Variants in SEMA5A observed in about 807,000 individuals in gnomAD.
SEMA5A encodes the protein semaphorin-5A.
A neutral mutation model predicts 135.5 loss-of-function variants in SEMA5A; 55 were observed. The ratio of observed to expected loss-of-function variants is 0.41; its 90% confidence interval spans 0.33 to 0.51. The LOEUF (loss-of-function observed/expected upper bound fraction) is 0.51, where lower values mean the gene tolerates loss of function less well. Ranked by LOEUF, SEMA5A falls within the 20% of genes least tolerant of loss-of-function variation. SEMA5A has a pLI of 0.37. For missense variants in SEMA5A, 1,290 were observed against 1,419.9 expected (o/e 0.91, Z 1.47); for synonymous variants, 580 against 546.5 (o/e 1.06, Z -0.85).
chr5:9,139,338 A>T (rs990245124), intron 12 of SEMA5A, among the ~76,000 whole-genome samples: 2 of 152,194 alleles, frequency 1.3e-5, no homozygotes, highest in African/African-American at 4.8e-5. Context: ...GCATTATTAA[A>T]TTTGGACCAA....
chr5:9,097,887 G>A (rs1045736072), intron 16 of SEMA5A, among the ~76,000 whole-genome samples: 1 of 152,202 alleles, frequency 6.6e-6, no homozygotes, highest in Non-Finnish European at 1.5e-5. Context: ...GGAGTACTTG[G>A]CTGTTGGTAA....
chr5:9,066,462 C>T lies in SEMA5A; in HGVS notation c.2258G>A (p.Arg753Gln), dbSNP rs758026222. 19 of 1,614,208 alleles carry T rather than the reference C, an allele frequency of 1.2e-5. No individual in the cohort carries two copies. The South Asian group carries it at 1.8e-4, about 15-fold the overall frequency. ...LEVGRQRIEMRYCSSDGTSGC... is the reference protein window; with the variant it reads ...LEVGRQRIEMQYCSSDGTSGC... Reference sequence around the variant, plus strand: ...ACTGGTGCCGTCGCTAGAACAGTACCGCATTTCGATTCTCTGTCTTCCCAC... The same window carrying T: ...ACTGGTGCCGTCGCTAGAACAGTACTGCATTTCGATTCTCTGTCTTCCCAC... Residue 753 changes from arginine (R) to glutamine (Q), a missense_variant, in exon 17 of 23, where the codon CGG (arginine) becomes CAG (glutamine). Physicochemically the swap from Arg to Gln is conservative, Grantham distance 43. Transcript: ENST00000382496.
At chr5:9,391,657 C>T (rs1488836454) in intron 2 of SEMA5A, among the ~76,000 whole-genome samples, 1 of 152,188 alleles carries the variant, frequency 6.6e-6, no homozygotes, top group Non-Finnish European at 1.5e-5. Context: ...CCTTCTCTCC[C>T]ATCTGCTACT....
chr5:9,477,717 C>T (rs1253071160), intron 1 of SEMA5A, among the ~76,000 whole-genome samples: 1 of 152,136 alleles, frequency 6.6e-6, no homozygotes, highest in South Asian at 2.1e-4. Flanking sequence ...GTGCTCCTAA[C>T]AGCATATAGT....
intron 3 of SEMA5A, among the ~76,000 whole-genome samples, chr5:9,353,055 GAAAGGAAGGAAAGGA>G (rs1323873663): frequency 1.2e-5 from 1 of 85,098 alleles, no homozygotes. Context: ...GGAAGGAAAG[GAAAGGAAGGAAAGGA>G]AAGGAAAGGA....
intron 2 of SEMA5A, among the ~76,000 whole-genome samples, chr5:9,399,164 T>C (rs1756537370): frequency 6.6e-6 from 1 of 152,220 alleles, no homozygotes; most frequent in Admixed American, 6.5e-5. Flanking sequence ...AGCAGCACTA[T>C]TGATAATAGT....
At chr5:9,270,272 T>C (rs1749903149) in intron 5 of SEMA5A, among the ~76,000 whole-genome samples, 1 of 152,086 alleles carries the variant, frequency 6.6e-6, no homozygotes, top group South Asian at 2.1e-4. Context: ...AGATCACACC[T>C]TGTTTTCTTC....
intron 1 of SEMA5A, among the ~76,000 whole-genome samples, chr5:9,502,580 G>A (rs936948459): frequency 1.7e-4 from 26 of 152,152 alleles, no homozygotes; most frequent in African/African-American, 6.3e-4. Flanking sequence ...GAGTTGCATG[G>A]GCTTCCTCAA....
chr5:9,203,057 T>C (rs1008897553), intron 8 of SEMA5A, among the ~76,000 whole-genome samples: 17 of 152,244 alleles, frequency 1.1e-4, no homozygotes, highest in African/African-American at 3.9e-4. Context: ...CATTATCAAC[T>C]GAATTTTACA....
chr5:9,347,100 G>A (rs914861158), intron 3 of SEMA5A, among the ~76,000 whole-genome samples: 6 of 151,904 alleles, frequency 3.9e-5, no homozygotes, highest in African/African-American at 9.7e-5. Context: ...AAAACATTTC[G>A]TATCACGAAA....
chr5:9,524,928 T>A (rs547284596), intron 1 of SEMA5A, among the ~76,000 whole-genome samples: 1 of 152,106 alleles, frequency 6.6e-6, no homozygotes, highest in Non-Finnish European at 1.5e-5. Context: ...TTAGATACCA[T>A]GGCAGGCTAA....
intron 16 of SEMA5A, among the ~76,000 whole-genome samples, chr5:9,106,411 T>C (rs1393160814): frequency 6.6e-6 from 1 of 152,258 alleles, no homozygotes; most frequent in East Asian, 1.9e-4. Context: ...TATTGCTTAA[T>C]ATAATTTTTT....
chr5:9,226,119 C>G (rs1747297059), intron 7 of SEMA5A, among the ~76,000 whole-genome samples: 1 of 152,180 alleles, frequency 6.6e-6, no homozygotes, highest in Non-Finnish European at 1.5e-5. Context: ...TCATCCAACT[C>G]CTCCCTTTAT....
At chr5:9,273,281 T>C (rs1196679275) in intron 5 of SEMA5A, among the ~76,000 whole-genome samples, 1 of 151,692 alleles carries the variant, frequency 6.6e-6, no homozygotes, top group African/African-American at 2.4e-5. Flanking sequence ...GAAGACAAGA[T>C]TAGAGAAAAA....
At chr5:9,109,162 T>A (rs1464228723) in intron 15 of SEMA5A, among the ~76,000 whole-genome samples, 1 of 146,688 alleles carries the variant, frequency 6.8e-6, no homozygotes, top group African/African-American at 2.5e-5. Flanking sequence ...TGCCTCAGCC[T>A]CCCAAGTAGC....
At chr5:9,161,791 C>T (rs72643788) in intron 11 of SEMA5A, among the ~76,000 whole-genome samples, 14,094 of 152,252 alleles carry the variant, frequency 0.093, 1,012 homozygotes, top group African/African-American at 0.17. Flanking sequence ...CCCTATTTTT[C>T]AAATATAGAG....
intron 9 of SEMA5A, among the ~76,000 whole-genome samples, chr5:9,200,450 G>A (rs945698349): frequency 2.0e-5 from 3 of 152,186 alleles, no homozygotes; most frequent in African/African-American, 7.2e-5. Context: ...TGTCAACTGA[G>A]CAAATGCACA....
intron 9 of SEMA5A, among the ~76,000 whole-genome samples, 162 bp downstream of exon 9, chr5:9,201,793 T>C (rs2150367474): frequency 6.6e-6 from 1 of 152,336 alleles, no homozygotes; most frequent in South Asian, 2.1e-4. Context: ...TATCTTTATC[T>C]AACATGTAGT....
At chr5:9,313,555 A>G (rs1752239408) in intron 5 of SEMA5A, among the ~76,000 whole-genome samples, 2 of 152,200 alleles carry the variant, frequency 1.3e-5, no homozygotes, top group South Asian at 4.1e-4. Flanking sequence ...CCTTCCAGGT[A>G]ACCTAATCTA....
Sources: gnomAD v4.1 joint callset for allele counts (sites outside exome capture counted in the v4.1 genomes callset) on GRCh38, gnomAD v4.1.1 for gene constraint, MANE v1.5 for transcripts, NCBI Gene and HGNC (gene_info 2026-07-23, HGNC 2026-07-21) for gene names.